Variants in MINDY4 observed in about 807,000 individuals in gnomAD.
MINDY4 encodes the protein probable ubiquitin carboxyl-terminal hydrolase MINDY-4.
In MINDY4, 68 loss-of-function variants were observed where a neutral mutation model predicts 87.0. The ratio of observed to expected loss-of-function variants is 0.78; its 90% CI spans 0.64 to 0.96. The LOEUF (loss-of-function observed/expected upper bound fraction) is 0.96. MINDY4 is among the 40% of genes least tolerant of loss of function. The pLI, the probability that MINDY4 is intolerant of heterozygous loss-of-function variation, is 0.00. For synonymous variants in MINDY4, 379 were observed against 363.2 expected (o/e 1.04, Z -0.50); for missense variants, 919 against 928.2 (o/e 0.99, Z 0.13).
At chr7:30,819,462 AT>A (rs1187781966) in intron 5 of MINDY4, among the ~76,000 whole-genome samples, 2 of 152,220 alleles carry the variant, frequency 1.3e-5, no homozygotes, top group African/African-American at 4.8e-5. Context: ...AGAATATATT[AT>A]TTAACAGTTG....
chr7:30,808,232 G>A lies in MINDY4; in HGVS notation c.1073+16658G>A, dbSNP rs180816205. 1.7e-4 allele frequency among the ~76,000 whole-genome samples: 26 copies of A among 152,272 alleles called. No homozygotes were observed. The East Asian group carries it at 2.5e-3, about 15-fold the overall frequency. Reference sequence around the variant, plus strand: ...AGGAAGGAATTGGCACTTGGAGTCCGGACATCTGAAACTTGGTAAGACTAG... The same window carrying A: ...AGGAAGGAATTGGCACTTGGAGTCCAGACATCTGAAACTTGGTAAGACTAG... On this transcript the variant is annotated intron_variant, in intron 5 of 17. Transcript: ENST00000265299.
chr7:30,888,429 A>T (rs77028047), intron 17 of MINDY4, among the ~76,000 whole-genome samples: 1 of 152,340 alleles, frequency 6.6e-6, no homozygotes, highest in East Asian at 1.9e-4. Flanking sequence ...GGTACCGAGG[A>T]TGAGAGACCC....
chr7:30,844,724 G>A (rs900355275), intron 9 of MINDY4, among the ~76,000 whole-genome samples: 1 of 152,198 alleles, frequency 6.6e-6, no homozygotes, highest in Non-Finnish European at 1.5e-5. Flanking sequence ...GAGGGGGAAT[G>A]CCTGGCTTTG....
intron 1 of MINDY4, among the ~76,000 whole-genome samples, chr7:30,772,228 A>G (rs1309283897): frequency 1.3e-5 from 2 of 152,072 alleles, no homozygotes; most frequent in Non-Finnish European, 2.9e-5. Context: ...ACATTAGCTC[A>G]TTCAGCACAT....
chr7:30,872,998 C>T (rs542392129), intron 14 of MINDY4, among the ~76,000 whole-genome samples: 12 of 152,356 alleles, frequency 7.9e-5, no homozygotes, highest in African/African-American at 2.2e-4. Flanking sequence ...GGCCACAATG[C>T]GTAGCATGGA....
chr7:30,779,789 C>T (rs1786951933), intron 2 of MINDY4: 1 of 152,178 alleles, frequency 6.6e-6, no homozygotes, highest in Non-Finnish European at 1.5e-5. Flanking sequence ...CATATTTTAA[C>T]TGTAATCCTT....
chr7:30,887,584 C>T (rs529248525), intron 17 of MINDY4, among the ~76,000 whole-genome samples: 4 of 152,338 alleles, frequency 2.6e-5, no homozygotes, highest in South Asian at 4.1e-4. Context: ...CGTGAGCCAG[C>T]GAGGACCATG....
At chr7:30,830,642 C>T (rs192302114) in intron 6 of MINDY4, among the ~76,000 whole-genome samples, 8 of 152,238 alleles carry the variant, frequency 5.3e-5, no homozygotes, top group Middle Eastern at 3.4e-3. Context: ...TGAGGGTAAC[C>T]GCCCCCATGA....
At chr7:30,823,938 C>T (rs1011777899) in intron 5 of MINDY4, among the ~76,000 whole-genome samples, 4 of 152,202 alleles carry the variant, frequency 2.6e-5, no homozygotes, top group African/African-American at 9.7e-5. Flanking sequence ...TGGGGTATCA[C>T]TGACTTGGGA....
intron 7 of MINDY4, among the ~76,000 whole-genome samples, chr7:30,838,520 G>A (rs76447358): frequency 6.6e-6 from 1 of 152,312 alleles, no homozygotes; most frequent in East Asian, 1.9e-4. Flanking sequence ...GATCTCTGCT[G>A]CACCTATTCA....
At chr7:30,824,635 G>A (rs10278973) in intron 5 of MINDY4, among the ~76,000 whole-genome samples, 56,547 of 151,690 alleles carry the variant, frequency 0.37, 13,679 homozygotes, top group African/African-American at 0.68. Context: ...AGTGGCTTGC[G>A]TGATCATAGC....
intron 13 of MINDY4, among the ~76,000 whole-genome samples, chr7:30,861,232 T>C (rs959573328): frequency 6.6e-6 from 1 of 152,228 alleles, no homozygotes; most frequent in African/African-American, 2.4e-5. Context: ...TCTTACACTG[T>C]GGCCTCCCCT....
chr7:30,871,286 G>T (rs1406708443), intron 13 of MINDY4, among the ~76,000 whole-genome samples: 1 of 152,214 alleles, frequency 6.6e-6, no homozygotes, highest in Admixed American at 6.5e-5. Flanking sequence ...GGGTCTGGGG[G>T]TTGCAATTGC....
At chr7:30,857,152 C>T (rs1789597736) in intron 12 of MINDY4, among the ~76,000 whole-genome samples, 1 of 152,166 alleles carries the variant, frequency 6.6e-6, no homozygotes, top group African/African-American at 2.4e-5. Context: ...CTCTGCTGTG[C>T]CCCCGCATAG....
chr7:30,800,260 G>A (rs1562534976), intron 5 of MINDY4, among the ~76,000 whole-genome samples: 1 of 152,184 alleles, frequency 6.6e-6, no homozygotes, highest in Non-Finnish European at 1.5e-5. Context: ...CACCTTAGAT[G>A]CATTGGATGC....
At position 30,863,903 on chromosome 7, in the gene MINDY4, C is replaced by T. The variant is rs537040445; in HGVS notation, c.1745+4579C>T. Among the ~76,000 whole-genome samples, 5 of 152,316 alleles carry T rather than the reference C, an allele frequency of 3.3e-5. No homozygotes were observed. In the East Asian group the frequency reaches 9.7e-4, roughly 29 times the overall value. The stretch of plus-strand genomic sequence containing the variant: ...CTTTGCTGCTTTTCAAACCACATGG[C>T]TAGAACTTTCCCCAGGGAGCTCTCA... On this transcript the variant is annotated intron_variant, in intron 13 of 17. Transcript: ENST00000265299.
intron 15 of MINDY4, among the ~76,000 whole-genome samples, chr7:30,878,863 T>TC (rs1562564725): frequency 6.6e-6 from 1 of 152,042 alleles, no homozygotes. Flanking sequence ...GACATGTGCC[T>TC]CCCCCTGAAG....
intron 5 of MINDY4, among the ~76,000 whole-genome samples, chr7:30,816,451 A>C (rs997454811): frequency 3.3e-5 from 5 of 152,072 alleles, no homozygotes; most frequent in Admixed American, 3.3e-4. Context: ...GCCTGTCGGG[A>C]GGGACACATA....
intron 15 of MINDY4, among the ~76,000 whole-genome samples, chr7:30,876,458 G>A (rs576646498): frequency 8.5e-5 from 13 of 152,272 alleles, no homozygotes; most frequent in African/African-American, 2.9e-4. Flanking sequence ...ACCCATAGTA[G>A]GCCTCACACA....
Sources: allele counts gnomAD v4.1 joint callset (sites outside exome capture counted in the v4.1 genomes callset), GRCh38; gene constraint gnomAD v4.1.1; transcripts MANE v1.5; gene names NCBI Gene and HGNC (gene_info 2026-07-23, HGNC 2026-07-21).